The following SNRPC variants were observed in gnomAD, a reference collection of about 807,000 sequenced individuals.
The protein encoded by SNRPC is small nuclear ribonucleoprotein polypeptide C.
SNRPC carries 5 observed loss-of-function variants against 20.0 expected under a neutral mutation model. That is an observed-to-expected ratio of 0.25 (90% CI 0.13 to 0.53). The LOEUF is 0.53. Ranked by LOEUF, SNRPC falls within the 20% of genes least tolerant of loss-of-function variation. The pLI is 0.96. For synonymous variants in SNRPC, 61 were observed against 58.7 expected (o/e 1.04, Z -0.18); for missense variants, 112 against 224.1 (o/e 0.50, Z 3.19).
intron 1 of SNRPC, 44 bp downstream of exon 1, chr6:34,757,595 T>G (rs1229883445): frequency 6.3e-7 from 1 of 1,598,950 alleles, no homozygotes; most frequent in Admixed American, 1.7e-5. Flanking sequence ...AGTCACTAGT[T>G]GTGGCCCCCA....
At chr6:34,759,466 C>T (rs1297383605) in intron 2 of SNRPC, among the ~76,000 whole-genome samples, 3 of 152,214 alleles carry the variant, frequency 2.0e-5, no homozygotes, top group African/African-American at 7.2e-5. Flanking sequence ...CATATTTTGG[C>T]ATGCAACACA....
intron 2 of SNRPC, among the ~76,000 whole-genome samples, chr6:34,759,753 A>G (rs1359972789): frequency 6.6e-6 from 1 of 152,224 alleles, no homozygotes; most frequent in African/African-American, 2.4e-5. Context: ...TAGTAGTATT[A>G]TGAAAACACT....
At chr6:34,771,070 T>C (rs1011663780) in intron 5 of SNRPC, among the ~76,000 whole-genome samples, 1 of 152,232 alleles carries the variant, frequency 6.6e-6, no homozygotes. Flanking sequence ...GGCTCATGCC[T>C]GTAATCCCAG....
rs950665973 is a variant in SNRPC at position 34,766,439 on chromosome 6, T to G, written c.161-1469T>G. On this transcript the variant is annotated intron_variant, in intron 3 of 5. Coordinates refer to ENST00000244520, the MANE Select transcript of SNRPC (RefSeq NM_003093.3). ...GTCTTTAACTCTGGAGCTCAAGAGA[T>G]CCTCCTGCCTCAGCCTCCCAAAGTG... Among the ~76,000 whole-genome samples the G allele has an allele frequency of 2.0e-5, 3 of 152,192 alleles. No homozygotes were observed. In the East Asian group the frequency reaches 5.8e-4, roughly 29 times the overall value.
intron 2 of SNRPC, 30 bp from the exon 3 acceptor site, chr6:34,762,565 T>G (rs371805650): frequency 1.0e-4 from 120 of 1,188,602 alleles, no homozygotes; most frequent in Non-Finnish European, 1.5e-4. Context: ...CATTTGTTTC[T>G]ACGTCTGATA....
At position 34,770,323 on chromosome 6, in the gene SNRPC, C is replaced by G. The variant is rs1272711231; in HGVS notation, c.283C>G (p.Pro95Ala). The G allele has an allele frequency of 6.2e-7, 1 of 1,613,438 alleles. No homozygotes were observed. The highest frequency in any genetic ancestry group is 1.3e-5 in the African/African-American group (1 of 74,918). ...GPPRPGMMPA[P>A]HMGGPPMMPM... ...TCCTCGCCCTGGTATGATGCCAGCA[C>G]CCCATATGGGGGGCCCTCCCATGAT... The change falls in exon 5 of 6, where the codon CCC becomes GCC. Residue 95 changes from proline (P) to alanine (A), a missense_variant. Physicochemically the swap from Pro to Ala is conservative, Grantham distance 27. This residue lies in a region of SNRPC where 57 missense variants were observed against 121.0 expected (regional missense o/e 0.47). Transcript: ENST00000244520.
chr6:34,764,737 G>A (rs28675115), intron 3 of SNRPC, among the ~76,000 whole-genome samples: 66,594 of 151,618 alleles, frequency 0.44, 16,404 homozygotes, highest in African/African-American at 0.68. Flanking sequence ...ATAGAGAAGC[G>A]GGGGCCTGGC....
intron 5 of SNRPC, among the ~76,000 whole-genome samples, chr6:34,772,673 G>A (rs549951360): frequency 1.2e-4 from 18 of 152,198 alleles, no homozygotes; most frequent in South Asian, 4.1e-4. Context: ...ATTATGTGGC[G>A]TAATAGTAAA....
chr6:34,770,424 T>G, intron 5 of SNRPC, 29 bp downstream of exon 5: 1 of 1,441,426 alleles, frequency 6.9e-7, no homozygotes, highest in Non-Finnish European at 9.8e-7. Context: ...CTTTCTAGTT[T>G]GTTCCATTTA....
intron 2 of SNRPC, among the ~76,000 whole-genome samples, chr6:34,759,096 T>C (rs901186572): frequency 1.3e-5 from 2 of 152,094 alleles, no homozygotes; most frequent in African/African-American, 4.8e-5. Flanking sequence ...GAACCACCTT[T>C]AAGTATTGGG....
rs1554122597 is a variant in SNRPC at position 34,771,349 on chromosome 6, A to AAAAAG, written c.355+954_355+955insAAAAG. On this transcript the variant is annotated intron_variant, in intron 5 of 5. Transcript: ENST00000244520. The stretch of plus-strand genomic sequence containing the variant: ...GTCTCAAAAAAAAAAAAAAAAAAAA[A>AAAAAG]GTGTGTCTAATGATTGGAACACTGT... 2.1e-5 allele frequency among the ~76,000 whole-genome samples: 3 copies of AAAAAG among 140,876 alleles called. 1 individual carries two copies. Among genetic ancestry groups the AAAAAG allele is most frequent in the Admixed American group, 1.4e-4 (2 of 14,254 alleles). 92.4% of individuals were successfully genotyped at this position (140,876 alleles called of 152,430 possible).
intron 3 of SNRPC, among the ~76,000 whole-genome samples, chr6:34,764,594 C>T (rs983875369): frequency 7.9e-5 from 12 of 151,776 alleles, no homozygotes; most frequent in African/African-American, 2.7e-4. Context: ...ACCCAGGAAG[C>T]GGAGGTTGCA....
At chr6:34,764,452 G>T (rs1400178052) in intron 3 of SNRPC, among the ~76,000 whole-genome samples, 2 of 151,002 alleles carry the variant, frequency 1.3e-5, no homozygotes, top group African/African-American at 4.9e-5. Flanking sequence ...TTCCAGCCTG[G>T]GCAACAAGAG....
At chr6:34,761,513 ATTTTTTTTT>A (rs869059984) in intron 2 of SNRPC, among the ~76,000 whole-genome samples, 205 of 85,654 alleles carry the variant, frequency 2.4e-3, no homozygotes, top group African/African-American at 9.8e-3. Context: ...ACAAGGAACA[ATTTTTTTTT>A]TTTTTTTTTT....
chr6:34,771,332 A>AG (rs1764688184), intron 5 of SNRPC, among the ~76,000 whole-genome samples: 1 of 138,228 alleles, frequency 7.2e-6, no homozygotes, highest in African/African-American at 3.3e-5. Flanking sequence ...GTGTCTCAAA[A>AG]AAAAAAAAAA....
At chr6:34,772,425 A>AT (rs985889986) in intron 5 of SNRPC, among the ~76,000 whole-genome samples, 10 of 152,118 alleles carry the variant, frequency 6.6e-5, no homozygotes, top group African/African-American at 2.2e-4. Flanking sequence ...ATGGGCTTTT[A>AT]TGTCGTATTT....
At chr6:34,772,655 A>C (rs1764705176) in intron 5 of SNRPC, among the ~76,000 whole-genome samples, 1 of 152,216 alleles carries the variant, frequency 6.6e-6, no homozygotes, top group Admixed American at 6.6e-5. Context: ...GAATATAGAT[A>C]ACGTGAAATT....
Position 34,772,112 on chromosome 6 carries a change from G to A in SNRPC, c.356-1334G>A, listed in dbSNP as rs117984075. Among the ~76,000 whole-genome samples, 170 of 152,270 alleles carry A rather than the reference G, an allele frequency of 1.1e-3. 3 individuals carry two copies. In the East Asian group the frequency reaches 0.028, roughly 26 times the overall value. On this transcript the variant is annotated intron_variant, in intron 5 of 5. Transcript: ENST00000244520. ...ATAATTGAGTAATTAGAGGGTGGACGGGGATAGGAATGGGTGGGGAGTATA... is the reference window on the plus strand; with the variant it reads ...ATAATTGAGTAATTAGAGGGTGGACAGGGATAGGAATGGGTGGGGAGTATA...
chr6:34,757,538 A>G lies in SNRPC; in HGVS notation c.-6A>G. On this transcript the variant is annotated 5_prime_UTR_variant, in exon 1 of 6. Coordinates refer to ENST00000244520, the MANE Select transcript of SNRPC (RefSeq NM_003093.3). ...TAACGGAGTGGCCAACGGCCTGCAG[A>G]GCAACATGCCCAAGTGAGTGGGGCC... 6.2e-7 allele frequency: 1 copy of G among 1,613,694 alleles called. No homozygotes were observed. The highest frequency in any genetic ancestry group is 1.1e-5 in the South Asian group (1 of 91,064).
Sources: allele counts gnomAD v4.1 joint callset (sites outside exome capture counted in the v4.1 genomes callset), GRCh38; gene constraint gnomAD v4.1.1; regional missense constraint gnomAD v4.1.1; transcripts MANE v1.5; gene names NCBI Gene and HGNC (gene_info 2026-07-23, HGNC 2026-07-21).